The following SPPL3 variants were observed in gnomAD, a reference collection of about 807,000 sequenced individuals.
The protein encoded by SPPL3 is signal peptide peptidase like 3.
In SPPL3, 5 loss-of-function variants were observed where a neutral mutation model predicts 42.4. The ratio of observed to expected loss-of-function variants is 0.12; its 90% CI spans 0.06 to 0.25. SPPL3 has a LOEUF of 0.25. SPPL3 is among the 10% of genes least tolerant of loss of function. The probability of loss-of-function intolerance (pLI) is 1.00; values close to 1 mark genes in which losing one functional copy is unlikely to be tolerated. For missense variants in SPPL3, 235 were observed against 489.0 expected (o/e 0.48, Z 4.90); for synonymous variants, 195 against 181.8 (o/e 1.07, Z -0.58).
Position 120,867,379 on chromosome 12 carries a change from T to C in SPPL3, c.23+36466A>G, listed in dbSNP as rs183658139. On this transcript the variant is annotated intron_variant, in intron 1 of 10. Coordinates refer to ENST00000353487, the MANE Select transcript of SPPL3 (RefSeq NM_139015.5). ...ACAAAGGACCATCAAAAATATTTAA[T>C]GGTGTAGCTGGGCGCGGTGGCTCAC... 2.3e-4 allele frequency among the ~76,000 whole-genome samples: 35 copies of C among 152,204 alleles called. No homozygotes were observed. In the East Asian group the frequency reaches 6.6e-3, roughly 29 times the overall value.
chr12:120,826,216 C>T (rs897642746), intron 1 of SPPL3, among the ~76,000 whole-genome samples: 3 of 150,182 alleles, frequency 2.0e-5, no homozygotes, highest in Non-Finnish European at 2.9e-5. Flanking sequence ...TCGCTTGAAC[C>T]TGGGAGGCAG....
chr12:120,832,918 G>A (rs550672005), intron 1 of SPPL3, among the ~76,000 whole-genome samples: 20 of 152,238 alleles, frequency 1.3e-4, no homozygotes. Flanking sequence ...GACTATTTTA[G>A]GCACCACATC....
intron 4 of SPPL3, among the ~76,000 whole-genome samples, chr12:120,784,020 G>C (rs187099990): frequency 8.2e-4 from 125 of 152,180 alleles, no homozygotes; most frequent in Admixed American, 1.9e-3. Flanking sequence ...GCATTTTGCC[G>C]ATTTTTTTTT....
intron 2 of SPPL3, among the ~76,000 whole-genome samples, chr12:120,794,572 A>G (rs1870037128): frequency 2.0e-5 from 3 of 151,900 alleles, no homozygotes; most frequent in Non-Finnish European, 4.4e-5. Context: ...TAATTTTTGT[A>G]TTTTTAGTAG....
At chr12:120,867,824 C>T (rs1371361205) in intron 1 of SPPL3, among the ~76,000 whole-genome samples, 3 of 151,676 alleles carry the variant, frequency 2.0e-5, no homozygotes, top group Non-Finnish European at 4.4e-5. Flanking sequence ...CTCGGCTCAC[C>T]GCAACCTCCA....
intron 3 of SPPL3, among the ~76,000 whole-genome samples, chr12:120,785,129 T>G (rs1481816589): frequency 6.6e-6 from 1 of 152,060 alleles, no homozygotes; most frequent in Non-Finnish European, 1.5e-5. Flanking sequence ...TTTGGCCAGA[T>G]GTGGTAGCTC....
intron 9 of SPPL3, 126 bp downstream of exon 9, chr12:120,767,268 T>A (rs1868948036): frequency 8.9e-6 from 9 of 1,010,716 alleles, no homozygotes; most frequent in Non-Finnish European, 1.2e-5. Flanking sequence ...CCAGGCTGTC[T>A]ATTACAGCAC....
intron 1 of SPPL3, among the ~76,000 whole-genome samples, chr12:120,874,484 A>G (rs533220811): frequency 6.6e-6 from 1 of 151,968 alleles, no homozygotes; most frequent in South Asian, 2.1e-4. Flanking sequence ...TAAAAGAAAT[A>G]AGTGAGTAAA....
chr12:120,796,289 T>C (rs1483303996), intron 2 of SPPL3, among the ~76,000 whole-genome samples: 6 of 152,092 alleles, frequency 3.9e-5, no homozygotes, highest in Admixed American at 1.3e-4. Flanking sequence ...GGCAGGAGAA[T>C]TGCTTGAACC....
intron 2 of SPPL3, among the ~76,000 whole-genome samples, chr12:120,796,408 C>G (rs916619031): frequency 6.6e-6 from 1 of 152,052 alleles, no homozygotes; most frequent in Non-Finnish European, 1.5e-5. Flanking sequence ...ATGTATCTAT[C>G]TAACTTTTTG....
chr12:120,783,514 C>T (rs1361453673), intron 5 of SPPL3, among the ~76,000 whole-genome samples, 160 bp downstream of exon 5: 1 of 152,192 alleles, frequency 6.6e-6, no homozygotes, highest in Non-Finnish European at 1.5e-5. Flanking sequence ...AAAGGAAGTA[C>T]TAGCTTCTGG....
At chr12:120,845,902 CTATCT>C (rs1872020202) in intron 1 of SPPL3, among the ~76,000 whole-genome samples, 3 of 140,362 alleles carry the variant, frequency 2.1e-5, no homozygotes, top group Non-Finnish European at 4.6e-5. Context: ...ATCTATCTAT[CTATCT>C]ATTTTTTTGA....
intron 1 of SPPL3, 105 bp downstream of exon 1, chr12:120,903,740 C>CG (rs1233158125): frequency 2.8e-6 from 2 of 721,972 alleles, no homozygotes; most frequent in Non-Finnish European, 4.1e-6. Context: ...GCGCCCCCCC[C>CG]CCACGACACG....
At chr12:120,902,381 A>C (rs1392605517) in intron 1 of SPPL3, among the ~76,000 whole-genome samples, 2 of 152,178 alleles carry the variant, frequency 1.3e-5, no homozygotes, top group South Asian at 2.1e-4. Flanking sequence ...TAATCCACTC[A>C]AAGTCTTCTA....
At chr12:120,823,360 C>T (rs1364168734) in intron 1 of SPPL3, among the ~76,000 whole-genome samples, 1 of 152,130 alleles carries the variant, frequency 6.6e-6, no homozygotes, top group African/African-American at 2.4e-5. Context: ...GCCTTCTATC[C>T]CCAGCACTCC....
intron 9 of SPPL3, among the ~76,000 whole-genome samples, 187 bp from the exon 10 acceptor site, chr12:120,766,559 C>T (rs989698102): frequency 2.6e-5 from 4 of 152,216 alleles, no homozygotes; most frequent in Admixed American, 2.0e-4. Flanking sequence ...ACACCTACAA[C>T]TCCAAGGACA....
intron 1 of SPPL3, among the ~76,000 whole-genome samples, chr12:120,868,951 T>C (rs977238406): frequency 6.6e-6 from 1 of 152,224 alleles, no homozygotes; most frequent in Non-Finnish European, 1.5e-5. Context: ...TTACCACACC[T>C]AACATCTGTT....
At chr12:120,805,501 G>A (rs1870458448) in intron 2 of SPPL3, among the ~76,000 whole-genome samples, 2 of 152,140 alleles carry the variant, frequency 1.3e-5, no homozygotes, top group South Asian at 2.1e-4. Context: ...ACTTCTATTC[G>A]ACACTGTACA....
intron 9 of SPPL3, 55 bp from the exon 10 acceptor site, chr12:120,766,427 C>T: frequency 1.4e-6 from 2 of 1,449,158 alleles, no homozygotes; most frequent in African/African-American, 1.4e-5. Flanking sequence ...TGTCACCTGG[C>T]TGCTGCTGGG....
Sources: gnomAD v4.1 joint callset for allele counts (sites outside exome capture counted in the v4.1 genomes callset) on GRCh38, gnomAD v4.1.1 for gene constraint, MANE v1.5 for transcripts, NCBI Gene and HGNC (gene_info 2026-07-23, HGNC 2026-07-21) for gene names.